Variants in RANBP17 observed in about 807,000 individuals in gnomAD.
RANBP17 encodes RAN binding protein 17, also known as ran-binding protein 17.
Under a neutral mutation model 141.2 loss-of-function variants are expected in RANBP17, and 158 were observed. The observed-to-expected ratio is 1.12, with a 90% CI of 0.98 to 1.28. The LOEUF (loss-of-function observed/expected upper bound fraction) is 1.28, where lower values mean the gene tolerates loss of function less well. RANBP17 is among the 50% of genes most tolerant of loss of function. The pLI, the probability that RANBP17 is intolerant of heterozygous loss-of-function variation, is 0.00. For synonymous variants in RANBP17, 430 were observed against 450.0 expected, an observed-to-expected ratio of 0.96 and a Z score of 0.56; for missense variants, 1,438 against 1,290.7, an observed-to-expected ratio of 1.11 and a Z score of -1.75.
chr5:171,027,993 G>A (rs1330932476), intron 14 of RANBP17, among the ~76,000 whole-genome samples: 2 of 151,782 alleles, frequency 1.3e-5, no homozygotes, highest in African/African-American at 4.8e-5. Context: ...AGGTAAAATG[G>A]AATTTTTTGC....
At chr5:171,270,710 A>G (rs1468773518) in intron 25 of RANBP17, among the ~76,000 whole-genome samples, 1 of 152,144 alleles carries the variant, frequency 6.6e-6, no homozygotes, top group Non-Finnish European at 1.5e-5. Flanking sequence ...ATAGAATTAG[A>G]GGGGCATCTC....
rs766036435 is a variant in RANBP17 at position 170,975,566 on chromosome 5, A to G, written c.1710+7189A>G. ...AGAAATGTATTCAGCCAAATATTCT[A>G]TATCATTCCTTACAAATTCTTTTTT... On this transcript the variant is annotated intron_variant, in intron 14 of 27. Transcript: ENST00000523189. Among the ~76,000 whole-genome samples the G allele has an allele frequency of 3.3e-5, 5 of 152,128 alleles. No individual in the cohort carries two copies. The South Asian group carries it at 6.2e-4, about 19-fold the overall frequency.
At chr5:171,290,412 G>A (rs1460522090) in intron 25 of RANBP17, among the ~76,000 whole-genome samples, 11 of 151,892 alleles carry the variant, frequency 7.2e-5, no homozygotes, top group Non-Finnish European at 4.4e-5. Flanking sequence ...ATGACACAGC[G>A]TATTTGGGTA....
intron 14 of RANBP17, among the ~76,000 whole-genome samples, chr5:171,169,211 C>A (rs1042489000): frequency 6.6e-6 from 1 of 152,102 alleles, no homozygotes; most frequent in African/African-American, 2.4e-5. Flanking sequence ...GGAATAGAAG[C>A]TATGTTGCTG....
chr5:170,891,101 A>G (rs1287848245), intron 3 of RANBP17, among the ~76,000 whole-genome samples: 1 of 152,198 alleles, frequency 6.6e-6, no homozygotes, highest in Non-Finnish European at 1.5e-5. Context: ...CCTAAAAGTG[A>G]CTGTGCTATG....
chr5:170,892,669 T>C, intron 4 of RANBP17, 116 bp downstream of exon 4: 1 of 703,302 alleles, frequency 1.4e-6, no homozygotes, highest in Non-Finnish European at 2.3e-6. Flanking sequence ...ATGTTAATTA[T>C]GATTTATTAT....
intron 25 of RANBP17, among the ~76,000 whole-genome samples, chr5:171,289,112 C>A (rs1195846721): frequency 6.6e-6 from 1 of 152,162 alleles, no homozygotes; most frequent in Non-Finnish European, 1.5e-5. Context: ...TTTACTCTTT[C>A]AGTTGCTCTT....
chr5:171,168,838 C>G (rs1344364235), intron 14 of RANBP17, among the ~76,000 whole-genome samples: 1 of 152,034 alleles, frequency 6.6e-6, no homozygotes, highest in Non-Finnish European at 1.5e-5. Context: ...CTTTCTCTCT[C>G]TCTGTTTCTC....
At chr5:171,250,871 A>G (rs766595713) in intron 24 of RANBP17, among the ~76,000 whole-genome samples, 38 of 152,202 alleles carry the variant, frequency 2.5e-4, no homozygotes, top group Non-Finnish European at 5.1e-4. Context: ...ACACACTACA[A>G]TATAATAATA....
chr5:171,125,660 AC>A (rs967276806), intron 14 of RANBP17, among the ~76,000 whole-genome samples: 14 of 152,248 alleles, frequency 9.2e-5, no homozygotes, highest in African/African-American at 3.1e-4. Flanking sequence ...TGCACTGTAG[AC>A]CAAATGGACC....
chr5:171,185,138 G>A (rs1761147258), intron 18 of RANBP17, among the ~76,000 whole-genome samples: 1 of 152,118 alleles, frequency 6.6e-6, no homozygotes, highest in Non-Finnish European at 1.5e-5. Flanking sequence ...ACTCCAGCCT[G>A]GGCAACAAGA....
chr5:171,006,018 G>T (rs1201395134), intron 14 of RANBP17, among the ~76,000 whole-genome samples: 1 of 152,154 alleles, frequency 6.6e-6, no homozygotes, highest in Non-Finnish European at 1.5e-5. Context: ...CTGGCCATCA[G>T]AGAAATGCAA....
chr5:171,179,516 CTTCT>C (rs1760742994), intron 16 of RANBP17, among the ~76,000 whole-genome samples: 1 of 152,110 alleles, frequency 6.6e-6, no homozygotes, highest in African/African-American at 2.4e-5. Flanking sequence ...TGTGAACTTT[CTTCT>C]TTCATCAGGA....
intron 5 of RANBP17, among the ~76,000 whole-genome samples, chr5:170,897,610 T>G (rs1489650117): frequency 6.6e-6 from 1 of 151,102 alleles, no homozygotes; most frequent in African/African-American, 2.4e-5. Flanking sequence ...TCTCCCCGTG[T>G]CCATGTGATC....
chr5:171,264,175 A>G (rs532498147), intron 24 of RANBP17, among the ~76,000 whole-genome samples: 3 of 152,300 alleles, frequency 2.0e-5, no homozygotes, highest in African/African-American at 7.2e-5. Flanking sequence ...GTTCCCATTG[A>G]TAAGTGGGAG....
chr5:170,982,099 T>C (rs1350292085), intron 14 of RANBP17, among the ~76,000 whole-genome samples: 1 of 152,204 alleles, frequency 6.6e-6, no homozygotes, highest in Admixed American at 6.5e-5. Flanking sequence ...CTGAAAAATA[T>C]TCCTAGACAC....
intron 14 of RANBP17, among the ~76,000 whole-genome samples, chr5:170,986,734 C>T (rs758140764): frequency 6.6e-6 from 1 of 151,848 alleles, no homozygotes; most frequent in Non-Finnish European, 1.5e-5. Context: ...TGTGTAATTA[C>T]TTATTATTCA....
chr5:171,128,977 C>T (rs1377096332), intron 14 of RANBP17, among the ~76,000 whole-genome samples: 7 of 152,062 alleles, frequency 4.6e-5, no homozygotes, highest in Non-Finnish European at 1.0e-4. Context: ...TTAGTTCTGG[C>T]CCTGCCCTTA....
At chr5:171,021,934 A>G (rs902168561) in intron 14 of RANBP17, among the ~76,000 whole-genome samples, 1 of 150,222 alleles carries the variant, frequency 6.7e-6, no homozygotes. Context: ...GAGGCTGCTA[A>G]CCCTTGAATG....
Sources: gnomAD v4.1 joint callset for allele counts (sites outside exome capture counted in the v4.1 genomes callset) on GRCh38, gnomAD v4.1.1 for gene constraint, MANE v1.5 for transcripts, NCBI Gene and HGNC (gene_info 2026-07-23, HGNC 2026-07-21) for gene names.